Variants in NSUN6 observed in about 807,000 individuals in gnomAD.
The protein encoded by NSUN6 is NOP2/Sun RNA methyltransferase 6.
NSUN6 carries 64 observed loss-of-function variants against 58.0 expected under a neutral mutation model. The ratio of observed to expected loss-of-function variants is 1.10; its 90% confidence interval spans 0.90 to 1.36. The LOEUF is 1.36. Among genes scored for constraint, NSUN6 ranks in the 40% most tolerant of loss-of-function variants. NSUN6 has a pLI of 0.00. For missense variants in NSUN6, 701 were observed against 550.1 expected, an observed-to-expected ratio of 1.27 and a Z score of -2.74; for synonymous variants, 231 against 193.9, an observed-to-expected ratio of 1.19 and a Z score of -1.59.
At chr10:18,599,610 A>G (rs1392104523) in intron 6 of NSUN6, among the ~76,000 whole-genome samples, 1 of 152,196 alleles carries the variant, frequency 6.6e-6, no homozygotes, top group Admixed American at 6.5e-5. Context: ...TACACTGATT[A>G]CCACATAGCT....
chr10:18,600,385 G>C (rs567264666), intron 6 of NSUN6, among the ~76,000 whole-genome samples: 3 of 152,174 alleles, frequency 2.0e-5, no homozygotes, highest in African/African-American at 4.8e-5. Flanking sequence ...AGCACTTTCA[G>C]AGGCCTAGGT....
At chr10:18,566,459 TTCCATTCCATTC>T (rs1433429766) in intron 8 of NSUN6, among the ~76,000 whole-genome samples, 9 of 142,628 alleles carry the variant, frequency 6.3e-5, no homozygotes, top group South Asian at 2.1e-4. Flanking sequence ...CCATTCTGCA[TTCCATTCCATTC>T]TCCATTCCAT....
chr10:18,650,607 T>A (rs947544111), intron 1 of NSUN6, among the ~76,000 whole-genome samples: 4 of 152,246 alleles, frequency 2.6e-5, no homozygotes, highest in African/African-American at 9.6e-5. Flanking sequence ...ATTTCAATAG[T>A]TACTTGATAG....
At chr10:18,564,422 G>A (rs115101482) in intron 8 of NSUN6, among the ~76,000 whole-genome samples, 2,444 of 132,268 alleles carry the variant, frequency 0.018, 30 homozygotes, top group Middle Eastern at 0.099. Flanking sequence ...TCCATTCTCC[G>A]TTCCATTCCA....
chr10:18,557,615 G>A (rs546442764), intron 8 of NSUN6, among the ~76,000 whole-genome samples: 6 of 150,390 alleles, frequency 4.0e-5, no homozygotes, highest in South Asian at 2.1e-4. Context: ...GGATTGGAAC[G>A]GAGAATGGAA....
In NSUN6 at chr10:18,634,002, A is replaced by G. The variant is rs573357233; in HGVS notation, c.311+8474T>C. 2.0e-5 allele frequency among the ~76,000 whole-genome samples: 3 copies of G among 152,350 alleles called. No homozygotes were observed. In the South Asian group the frequency reaches 6.2e-4, roughly 32 times the overall value. On this transcript the variant is annotated intron_variant, in intron 3 of 10. Coordinates refer to ENST00000377304, the MANE Select transcript of NSUN6 (RefSeq NM_182543.5). ...AGAAAACATATTTGATTAGTCCCAT[A>G]GGTATGCTCTTTCGCCCATTCTGGA... is the stretch of plus-strand genomic sequence containing the variant.
At chr10:18,548,375 G>T in intron 9 of NSUN6, 138 bp from the exon 10 acceptor site, 1 of 701,510 alleles carries the variant, frequency 1.4e-6, no homozygotes, top group South Asian at 2.4e-5. Context: ...GATTCCTTCT[G>T]TAATTAGAGT....
chr10:18,635,443 C>A (rs868847874), intron 3 of NSUN6, among the ~76,000 whole-genome samples: 1 of 152,124 alleles, frequency 6.6e-6, no homozygotes, highest in South Asian at 2.1e-4. Context: ...CAAAGTCCTG[C>A]TGCCTTTATA....
At chr10:18,652,077 G>C, upstream of NSUN6, 1 of 985,400 alleles carries the variant, frequency 1.0e-6, no homozygotes, top group South Asian at 4.7e-5. Context: ...ATTTTTGAAA[G>C]TTGGGCTAAT....
intron 8 of NSUN6, among the ~76,000 whole-genome samples, chr10:18,573,655 G>A (rs976341809): frequency 1.3e-5 from 2 of 152,228 alleles, no homozygotes; most frequent in African/African-American, 2.4e-5. Flanking sequence ...GAAGATATAG[G>A]GAAGGTAACT....
At chr10:18,580,510 G>T (rs1483516493) in intron 8 of NSUN6, among the ~76,000 whole-genome samples, 1 of 152,132 alleles carries the variant, frequency 6.6e-6, no homozygotes, top group Admixed American at 6.6e-5. Flanking sequence ...AGAGAACTGG[G>T]GGCTATCTTC....
chr10:18,593,923 G>C (rs572637055), intron 7 of NSUN6, among the ~76,000 whole-genome samples: 8 of 151,498 alleles, frequency 5.3e-5, no homozygotes, highest in South Asian at 4.2e-4. Flanking sequence ...TCGTGGGCCA[G>C]GCACAGTGGC....
intron 8 of NSUN6, among the ~76,000 whole-genome samples, chr10:18,554,837 G>A (rs1248580405): frequency 2.6e-5 from 4 of 151,482 alleles, no homozygotes; most frequent in African/African-American, 7.3e-5. Context: ...ATGGAAAACG[G>A]CATGGAATGG....
chr10:18,633,007 A>C (rs1174113852), intron 3 of NSUN6, among the ~76,000 whole-genome samples: 2 of 152,038 alleles, frequency 1.3e-5, no homozygotes, highest in Non-Finnish European at 2.9e-5. Flanking sequence ...GAACCAACCC[A>C]AATGTCCAAC....
chr10:18,614,018 AC>A (rs1020395448), intron 5 of NSUN6, among the ~76,000 whole-genome samples: 1 of 152,148 alleles, frequency 6.6e-6, no homozygotes, highest in African/African-American at 2.4e-5. Context: ...ATTTTTAAAC[AC>A]AAATATTCAT....
chr10:18,611,224 C>G (rs935106871), intron 5 of NSUN6, among the ~76,000 whole-genome samples: 1 of 151,946 alleles, frequency 6.6e-6, no homozygotes, highest in African/African-American at 2.4e-5. Context: ...TTTTAAAAAT[C>G]ATAACTTATA....
At chr10:18,623,820 C>T (rs2058693257) in intron 3 of NSUN6, among the ~76,000 whole-genome samples, 1 of 152,150 alleles carries the variant, frequency 6.6e-6, no homozygotes, top group African/African-American at 2.4e-5. Flanking sequence ...TGAGCTAAAG[C>T]CTTCACAGAG....
rs557745989 is a variant in NSUN6, at chr10:18,614,386, C to G, written c.575+74G>C. ...AAATTTCATATAATGCAACTAGATA[C>G]ATTTTACATTATTTTTAATTTTCAT... On this transcript the variant is annotated intron_variant, in intron 5 of 10. Transcript: ENST00000377304. 1.6e-5 allele frequency: 15 copies of G among 910,748 alleles called. No individual in the cohort carries two copies. The East Asian group carries it at 4.1e-4, about 25-fold the overall frequency. 56.4% of individuals were successfully genotyped at this position (910,748 alleles called of 1,614,324 possible).
At chr10:18,645,091 G>C (rs2059504545) in intron 2 of NSUN6, among the ~76,000 whole-genome samples, 1 of 148,448 alleles carries the variant, frequency 6.7e-6, no homozygotes, top group Non-Finnish European at 1.5e-5. Context: ...CTGGGAGGCA[G>C]AGGTTGCAGT....
Sources: gnomAD v4.1 joint callset for allele counts (sites outside exome capture counted in the v4.1 genomes callset) on GRCh38, gnomAD v4.1.1 for gene constraint, MANE v1.5 for transcripts, NCBI Gene and HGNC (gene_info 2026-07-23, HGNC 2026-07-21) for gene names.